MAGI1: variants seen among roughly 807,000 people sequenced by gnomAD.
MAGI1 encodes the protein membrane associated guanylate kinase, WW and PDZ domain containing 1.
MAGI1 carries 58 observed loss-of-function variants against 139.9 expected under a neutral mutation model. That is an observed-to-expected ratio of 0.41 (90% confidence interval 0.34 to 0.52). The LOEUF is 0.52. Ranked by LOEUF, MAGI1 falls within the 20% of genes least tolerant of loss-of-function variation. The pLI is 0.12. For missense variants in MAGI1, 1,874 were observed against 1,901.6 expected, an observed-to-expected ratio of 0.99 and a Z score of 0.27; for synonymous variants, 812 against 737.9, an observed-to-expected ratio of 1.10 and a Z score of -1.63.
chr3:66,012,968 C>G (rs1021459921), intron 1 of MAGI1, among the ~76,000 whole-genome samples: 2 of 152,084 alleles, frequency 1.3e-5, no homozygotes, highest in African/African-American at 4.8e-5. Flanking sequence ...ACTCTGAAGC[C>G]CACTCTAGGT....
chr3:66,017,549 C>G (rs1296044612), intron 1 of MAGI1, among the ~76,000 whole-genome samples: 2 of 152,214 alleles, frequency 1.3e-5, no homozygotes, highest in Admixed American at 1.3e-4. Context: ...AAACCCACCG[C>G]TGTCACCTAA....
intron 1 of MAGI1, among the ~76,000 whole-genome samples, chr3:65,993,000 T>A (rs1021864996): frequency 5.3e-5 from 8 of 152,028 alleles, no homozygotes; most frequent in Admixed American, 1.3e-4. Context: ...ATGTTTTTTT[T>A]AATTATTTTT....
intron 2 of MAGI1, among the ~76,000 whole-genome samples, chr3:65,522,563 G>T (rs1003679203): frequency 6.6e-6 from 1 of 152,058 alleles, no homozygotes; most frequent in African/African-American, 2.4e-5. Context: ...ATCACTTACC[G>T]GTTTAAAGTC....
intron 2 of MAGI1, among the ~76,000 whole-genome samples, chr3:65,550,641 C>T (rs963778851): frequency 6.6e-5 from 10 of 152,126 alleles, no homozygotes; most frequent in Non-Finnish European, 1.3e-4. Context: ...CCAGCATGCT[C>T]ACATCACTGC....
At chr3:65,747,356 G>A (rs4527416) in intron 1 of MAGI1, among the ~76,000 whole-genome samples, 3,122 of 152,252 alleles carry the variant, frequency 0.021, 98 homozygotes, top group African/African-American at 0.071. Flanking sequence ...GGCAGAAGCA[G>A]CAATGAGAAC....
intron 1 of MAGI1, among the ~76,000 whole-genome samples, chr3:65,742,070 G>T (rs1432754087): frequency 3.3e-5 from 5 of 152,000 alleles, no homozygotes; most frequent in Non-Finnish European, 4.4e-5. Context: ...ACTCGCATGG[G>T]GATATGATAT....
At chr3:66,017,673 G>C in intron 1 of MAGI1, among the ~76,000 whole-genome samples, 1 of 152,162 alleles carries the variant, frequency 6.6e-6, no homozygotes, top group Admixed American at 6.5e-5. Context: ...ATGAAGGATG[G>C]TGCACGTGTG....
At chr3:66,005,000 C>A (rs2066938128) in intron 1 of MAGI1, among the ~76,000 whole-genome samples, 1 of 152,186 alleles carries the variant, frequency 6.6e-6, no homozygotes, top group East Asian at 1.9e-4. Context: ...ATCCCATTGA[C>A]ATCTGATTTA....
chr3:65,636,711 CACACACACACACAT>C (rs1454676748), intron 1 of MAGI1, among the ~76,000 whole-genome samples: 1 of 150,746 alleles, frequency 6.6e-6, no homozygotes, highest in Non-Finnish European at 1.5e-5. Context: ...CATACACACA[CACACACACACACAT>C]ACACACACAC....
intron 1 of MAGI1, among the ~76,000 whole-genome samples, chr3:65,945,046 A>C (rs1056325563): frequency 6.6e-6 from 1 of 152,194 alleles, no homozygotes; most frequent in Non-Finnish European, 1.5e-5. Context: ...GCAACAAGGA[A>C]ATTGGAAACA....
chr3:65,912,399 G>A (rs906444283), intron 1 of MAGI1, among the ~76,000 whole-genome samples: 1 of 152,152 alleles, frequency 6.6e-6, no homozygotes, highest in Non-Finnish European at 1.5e-5. Flanking sequence ...TTAAAAACTA[G>A]CTACAAAGGG....
At chr3:65,812,468 T>TCTCTCTCTCACACACACACA (rs1176899313) in intron 1 of MAGI1, among the ~76,000 whole-genome samples, 1 of 89,088 alleles carries the variant, frequency 1.1e-5, no homozygotes, top group African/African-American at 3.2e-5. Flanking sequence ...TCTCTCTCTC[T>TCTCTCTCTCACACACACACA]CACACACACA....
At chr3:65,377,399 A>T (rs2106864244) in intron 17 of MAGI1, among the ~76,000 whole-genome samples, 1 of 152,372 alleles carries the variant, frequency 6.6e-6, no homozygotes, top group South Asian at 2.1e-4. Context: ...CAGAAGCCTC[A>T]TGCAAGGTAT....
intron 1 of MAGI1, among the ~76,000 whole-genome samples, chr3:65,850,792 G>A (rs1362863513): frequency 2.0e-5 from 3 of 152,068 alleles, no homozygotes; most frequent in Non-Finnish European, 4.4e-5. Context: ...CTAGGCCCCA[G>A]TCAGGCTACC....
chr3:65,407,949 T>G (rs1465986095), intron 12 of MAGI1, among the ~76,000 whole-genome samples: 1 of 152,192 alleles, frequency 6.6e-6, no homozygotes, highest in Non-Finnish European at 1.5e-5. Flanking sequence ...ACTACCATTC[T>G]ACTCAAGTGT....
chr3:66,034,911 T>G (rs2068834134), intron 1 of MAGI1, among the ~76,000 whole-genome samples: 1 of 151,916 alleles, frequency 6.6e-6, no homozygotes, highest in South Asian at 2.1e-4. Flanking sequence ...GAGGGGGGAA[T>G]TAACTGGACA....
chr3:65,605,532 A>G (rs1390270153), intron 2 of MAGI1, among the ~76,000 whole-genome samples: 1 of 152,182 alleles, frequency 6.6e-6, no homozygotes, highest in Non-Finnish European at 1.5e-5. Flanking sequence ...GCAGACAGAC[A>G]AACTCAATGA....
At chr3:65,961,901 C>A (rs1031419243) in intron 1 of MAGI1, among the ~76,000 whole-genome samples, 1 of 152,164 alleles carries the variant, frequency 6.6e-6, no homozygotes, top group Non-Finnish European at 1.5e-5. Context: ...AAGTTTACAG[C>A]AAATTGCTTG....
chr3:65,736,502 C>G (rs1476942361), intron 1 of MAGI1, among the ~76,000 whole-genome samples: 2 of 152,100 alleles, frequency 1.3e-5, no homozygotes, highest in Admixed American at 1.3e-4. Flanking sequence ...ACCAAGAAAA[C>G]TGGTGGTATA....
Sources: allele counts gnomAD v4.1 joint callset (sites outside exome capture counted in the v4.1 genomes callset), GRCh38; gene constraint gnomAD v4.1.1; transcripts MANE v1.5; gene names NCBI Gene and HGNC (gene_info 2026-07-23, HGNC 2026-07-21).